ARHGEF6: variants seen among roughly 807,000 people sequenced by gnomAD.
The protein encoded by ARHGEF6 is rho guanine nucleotide exchange factor 6.
Under a neutral mutation model 70.3 loss-of-function variants are expected in ARHGEF6, and 9 were observed. The ratio of observed to expected loss-of-function variants is 0.13; its 90% CI spans 0.08 to 0.22. The LOEUF (loss-of-function observed/expected upper bound fraction) is 0.22, where lower values mean the gene tolerates loss of function less well. ARHGEF6 is among the 10% of genes least tolerant of loss of function. ARHGEF6 has a pLI of 1.00. For missense variants in ARHGEF6, 470 were observed against 563.0 expected, an observed-to-expected ratio of 0.83 and a Z score of 1.67; for synonymous variants, 201 against 207.8, an observed-to-expected ratio of 0.97 and a Z score of 0.28.
At chrX:136,754,720 T>TG in intron 2 of ARHGEF6, among the ~76,000 whole-genome samples, 1 of 112,332 alleles carries the variant, frequency 8.9e-6, no homozygotes, top group Admixed American at 9.4e-5. Context: ...CAATAGCCCT[T>TG]GCCAAGCCAA....
intron 15 of ARHGEF6, among the ~76,000 whole-genome samples, chrX:136,679,889 C>T (rs2076316280): frequency 8.9e-6 from 1 of 112,451 alleles, no homozygotes; most frequent in Non-Finnish European, 1.9e-5. Context: ...CCTGTCCTCT[C>T]TTTCTCATCT....
In ARHGEF6 at chrX:136,725,115, G is replaced by A. The variant is rs770894655; in HGVS notation, c.732+6987C>T. On this transcript the variant is annotated intron_variant, in intron 6 of 21. Coordinates refer to ENST00000250617, the MANE Select transcript of ARHGEF6 (RefSeq NM_004840.3). Reference sequence around the variant, plus strand: ...AAGATGCCAAGTGTCCTGCTCCAGTGGGTTTATTTGCTAGGTGAGGCAACA... The same window carrying A: ...AAGATGCCAAGTGTCCTGCTCCAGTAGGTTTATTTGCTAGGTGAGGCAACA... Among the ~76,000 whole-genome samples, 5 of 110,755 alleles carry A rather than the reference G, an allele frequency of 4.5e-5. No individual in the cohort carries two copies. In the Admixed American group the frequency reaches 4.8e-4, roughly 11 times the overall value.
intron 21 of ARHGEF6, 67 bp downstream of exon 21, chrX:136,669,415 G>A: frequency 9.7e-7 from 1 of 1,033,023 alleles, no homozygotes; most frequent in Non-Finnish European, 1.4e-6. Context: ...CTGAAAGCAT[G>A]AGCAGCGTGA....
At chrX:136,668,891 C>A (rs1032330477) in intron 21 of ARHGEF6, among the ~76,000 whole-genome samples, 1 of 111,283 alleles carries the variant, frequency 9.0e-6, no homozygotes, top group Admixed American at 9.6e-5. Context: ...ATCATATTAT[C>A]CTCGTCCATA....
intron 6 of ARHGEF6, among the ~76,000 whole-genome samples, chrX:136,727,942 T>C (rs2076887756): frequency 9.0e-6 from 1 of 110,931 alleles, no homozygotes; most frequent in South Asian, 3.9e-4. Flanking sequence ...TTCTCTACCA[T>C]GTGGCTTACA....
chrX:136,737,217 C>T (rs944516351), intron 5 of ARHGEF6, among the ~76,000 whole-genome samples: 2 of 112,026 alleles, frequency 1.8e-5, no homozygotes, highest in South Asian at 3.7e-4. Flanking sequence ...CAATGGCTCA[C>T]GCCTGTAATC....
chrX:136,676,376 G>A (rs144763852), intron 18 of ARHGEF6, among the ~76,000 whole-genome samples: 2,472 of 112,062 alleles, frequency 0.022, 73 homozygotes, highest in African/African-American at 0.075. Context: ...AACCAGGTGA[G>A]GCAAAATACT....
At chrX:136,761,799 A>G (rs745837442) in intron 2 of ARHGEF6, among the ~76,000 whole-genome samples, 21 of 112,463 alleles carry the variant, frequency 1.9e-4, no homozygotes, top group Non-Finnish European at 3.8e-5. Context: ...GAGAGAGAAA[A>G]TGGCTGGATT....
intron 5 of ARHGEF6, among the ~76,000 whole-genome samples, chrX:136,742,274 G>A (rs899843255): frequency 2.7e-5 from 3 of 111,487 alleles, no homozygotes; most frequent in South Asian, 7.5e-4. Context: ...AGCCGAGATT[G>A]CGCCACTGCA....
intron 2 of ARHGEF6, among the ~76,000 whole-genome samples, chrX:136,760,287 C>T (rs1418809041): frequency 1.8e-5 from 2 of 112,610 alleles, no homozygotes; most frequent in Non-Finnish European, 3.8e-5. Context: ...ATGTCATCAC[C>T]AATCGCTCTG....
intron 11 of ARHGEF6, among the ~76,000 whole-genome samples, chrX:136,686,629 T>TATATACAC (rs2076396526): frequency 4.2e-4 from 31 of 74,090 alleles, no homozygotes; most frequent in African/African-American, 2.1e-3. Context: ...TATACACATA[T>TATATACAC]ATATATATAT....
intron 5 of ARHGEF6, among the ~76,000 whole-genome samples, chrX:136,738,286 G>A (rs1405809595): frequency 5.4e-5 from 6 of 110,646 alleles, no homozygotes; most frequent in Non-Finnish European, 9.5e-5. Context: ...CCTATGACTC[G>A]GTGCACCTCT....
At chrX:136,716,308 G>A (rs1208753178) in intron 6 of ARHGEF6, among the ~76,000 whole-genome samples, 1 of 112,031 alleles carries the variant, frequency 8.9e-6, no homozygotes, top group Non-Finnish European at 1.9e-5. Flanking sequence ...AGCAACTCCA[G>A]CCAGCTCTAG....
intron 13 of ARHGEF6, 109 bp downstream of exon 13, chrX:136,682,649 C>G: frequency 1.7e-6 from 1 of 598,149 alleles, no homozygotes; most frequent in East Asian, 3.4e-5. Context: ...TCAGAACATT[C>G]TGGTTCTCCT....
intron 6 of ARHGEF6, among the ~76,000 whole-genome samples, chrX:136,723,407 C>T (rs994246969): frequency 1.8e-5 from 2 of 111,968 alleles, no homozygotes; most frequent in Non-Finnish European, 3.8e-5. Context: ...AGTCCTTATG[C>T]AGGGTCATGG....
intron 2 of ARHGEF6, among the ~76,000 whole-genome samples, chrX:136,776,890 A>AATAC (rs1323302503): frequency 5.5e-5 from 6 of 108,503 alleles, no homozygotes; most frequent in African/African-American, 1.7e-4. Flanking sequence ...TAAATAAATA[A>AATAC]ATAAATAAAT....
At chrX:136,774,416 C>T (rs1487393811) in intron 2 of ARHGEF6, among the ~76,000 whole-genome samples, 1 of 109,195 alleles carries the variant, frequency 9.2e-6, no homozygotes, top group Non-Finnish European at 1.9e-5. Context: ...TTTGGGATGC[C>T]AAGGTGGGCA....
chrX:136,689,217 A>C (rs771252586), intron 10 of ARHGEF6, among the ~76,000 whole-genome samples: 1 of 112,353 alleles, frequency 8.9e-6, no homozygotes, highest in South Asian at 3.7e-4. Context: ...AATCTGCACA[A>C]AGTGTCTCAC....
intron 2 of ARHGEF6, among the ~76,000 whole-genome samples, chrX:136,762,270 A>G (rs768439610): frequency 2.0e-4 from 23 of 112,540 alleles, no homozygotes; most frequent in Non-Finnish European, 9.4e-5. Flanking sequence ...CTAAAAATCA[A>G]TGACTCACCT....
Sources: allele counts gnomAD v4.1 joint callset (sites outside exome capture counted in the v4.1 genomes callset), GRCh38; gene constraint gnomAD v4.1.1; transcripts MANE v1.5; gene names NCBI Gene and HGNC (gene_info 2026-07-23, HGNC 2026-07-21).